CCT2: variants seen among roughly 807,000 people sequenced by gnomAD.
CCT2 encodes chaperonin containing TCP1 subunit 2, also known as T-complex protein 1 subunit beta.
A neutral mutation model predicts 61.8 loss-of-function variants in CCT2; 18 were observed. The observed-to-expected ratio is 0.29, with a 90% CI of 0.20 to 0.43. The LOEUF (loss-of-function observed/expected upper bound fraction) is 0.43. Among genes scored for constraint, CCT2 ranks in the 20% least tolerant of loss-of-function variants. The pLI, the probability that CCT2 is intolerant of heterozygous loss-of-function variation, is 1.00. For missense variants in CCT2, 556 were observed against 656.9 expected (o/e 0.85, Z 1.68); for synonymous variants, 248 against 215.9 (o/e 1.15, Z -1.30).
At position 69,587,114 on chromosome 12, in the gene CCT2, CAG is replaced by C. The variant is rs148814367; in HGVS notation, c.144+298_144+299del. The C allele has an allele frequency of 7.5e-3, 2,534 of 336,250 alleles. 54 individuals carry two copies. Among genetic ancestry groups the C allele is most frequent in the African/African-American group, 0.048 (2,260 of 47,210 alleles). The allele number at this position is 336,250 out of a possible 1,614,324, so 20.8% of individuals were successfully genotyped here. On this transcript the variant is annotated intron_variant, in intron 3 of 15. Transcript: ENST00000299300. ...TCATGTAACATACTGTTTTATAAAA[CAG>C]ATACTATTTATCAATACTTTTTTGT...
rs770281897 is a variant in CCT2 at position 69,599,975 on chromosome 12, T to G, written c.1548T>G (p.Arg516=). The change falls in exon 15 of 16, where the codon CGT becomes CGG. Residue 516 remains arginine (R), a synonymous_variant. Coordinates refer to ENST00000299300, the MANE Select transcript of CCT2 (RefSeq NM_006431.3). ...CTGAAGCAGCAGAGGTGATTCTGCG[T>G]GTGGACAACATCATCAAAGCGGCAC... ...SAAEAAEVIL[R]VDNIIKAAPR... is the part of the protein sequence containing the mutation. The G allele has an allele frequency of 1.9e-6, 3 of 1,613,288 alleles. No individual in the cohort carries two copies. In the Admixed American group the frequency reaches 5.0e-5, roughly 27 times the overall value.
At chr12:69,585,846 G>A in intron 1 of CCT2, 1 of 1,314,166 alleles carries the variant, frequency 7.6e-7, no homozygotes, top group Non-Finnish European at 9.7e-7. Flanking sequence ...TAGGGGCGGA[G>A]CCTGGAGCGA....
Position 69,593,940 on chromosome 12 carries a change from C to A in CCT2, c.982+327C>A, listed in dbSNP as rs1881910708. Among the ~76,000 whole-genome samples the A allele has an allele frequency of 2.0e-5, 3 of 151,736 alleles. No homozygotes were observed. The South Asian group carries it at 6.2e-4, about 32-fold the overall frequency. On this transcript the variant is annotated intron_variant, in intron 10 of 15. Transcript: ENST00000299300. ...ATCGCTTGAGCTCAGGAGTTTCAGA[C>A]CAACTTTGGCAACATTGCGAACCCA...
At chr12:69,586,732 T>C (rs1555196805) in intron 2 of CCT2, 21 bp from the exon 3 acceptor site, 2 of 1,548,618 alleles carry the variant, frequency 1.3e-6, no homozygotes, top group South Asian at 2.4e-5. Flanking sequence ...ATTCTGATAA[T>C]CTCCTTGGTT....
intron 1 of CCT2, chr12:69,585,743 G>C: frequency 6.9e-7 from 1 of 1,449,192 alleles, no homozygotes. Flanking sequence ...GCGTCTCCTT[G>C]TGCCTAGGTC....
intron 7 of CCT2, among the ~76,000 whole-genome samples, chr12:69,590,378 T>G (rs1054647021): frequency 8.5e-5 from 13 of 152,152 alleles, no homozygotes; most frequent in Non-Finnish European, 1.3e-4. Flanking sequence ...TAACAAATAA[T>G]TATGTATGTT....
At chr12:69,590,634 CAT>C (rs1881807677) in intron 7 of CCT2, among the ~76,000 whole-genome samples, 1 of 151,638 alleles carries the variant, frequency 6.6e-6, no homozygotes, top group Non-Finnish European at 1.5e-5. Flanking sequence ...TGTTCTGTGT[CAT>C]AGGTCTTGAT....
Position 69,585,870 on chromosome 12 carries a change from A to G in CCT2, c.3+346A>G, listed in dbSNP as rs987535935. 2.3e-6 allele frequency: 3 copies of G among 1,296,974 alleles called. No homozygotes were observed. In the East Asian group the frequency reaches 1.0e-4, roughly 44 times the overall value. 80.3% of individuals were successfully genotyped at this position (1,296,974 alleles called of 1,614,324 possible). ...AGCCTGGAGCGACGGGGTCTGAGCC[A>G]TCAGAGGGTGGAGGGGCCGCAGCCT... On this transcript the variant is annotated intron_variant, in intron 1 of 15. Transcript: ENST00000299300.
intron 10 of CCT2, among the ~76,000 whole-genome samples, 195 bp from the exon 11 acceptor site, chr12:69,596,961 A>T (rs900232018): frequency 6.6e-6 from 1 of 152,204 alleles, no homozygotes; most frequent in Non-Finnish European, 1.5e-5. Context: ...AATGGAGCCT[A>T]TCCAAGAGGA....
chr12:69,588,241 T>G lies in CCT2; in HGVS notation c.425T>G (p.Leu142Trp). The part of the protein sequence containing the change: ...EATKAAREAL[L>W]SSAVDHGSDE... ...ACGAAGGCTGCAAGAGAGGCGCTGT[T>G]GAGTTCTGCAGTTGATCATGGGTTT... The change falls in exon 6 of 16, where the codon TTG (leucine) becomes TGG (tryptophan). Residue 142 changes from leucine to tryptophan, a missense_variant. Physicochemically the swap from Leu to Trp is moderately conservative, Grantham distance 61. Around this residue, in one of 3 missense-constraint regions of CCT2, gnomAD observed 308 missense variants for 350.6 expected, o/e 0.88. Coordinates refer to ENST00000299300, the MANE Select transcript of CCT2 (RefSeq NM_006431.3). 2 of 1,613,606 alleles carry G rather than the reference T, an allele frequency of 1.2e-6. No homozygotes were observed. The highest frequency in any genetic ancestry group is 1.7e-6 in the Non-Finnish European group (2 of 1,179,468).
chr12:69,587,258 C>A, intron 3 of CCT2: 1 of 416,036 alleles, frequency 2.4e-6, no homozygotes. Flanking sequence ...TTGATAGTTT[C>A]TTTCCATTGT....
At position 69,601,429 on chromosome 12, in the gene CCT2, A is replaced by G. The variant is rs756311009; in HGVS notation, c.*104A>G. The G allele has an allele frequency of 5.6e-6, 9 of 1,604,904 alleles. No individual in the cohort carries two copies. Among genetic ancestry groups the G allele is most frequent in the Non-Finnish European group, 7.6e-6 (9 of 1,176,898 alleles). On this transcript the variant is annotated 3_prime_UTR_variant, in exon 16 of 16. Transcript: ENST00000299300. Reference sequence around the variant, plus strand: ...TGGAATCTGTTTATCGGTGCCCATTATATCCTTAAGTTTGGATATTTAGCT... The same window carrying G: ...TGGAATCTGTTTATCGGTGCCCATTGTATCCTTAAGTTTGGATATTTAGCT...
chr12:69,585,630 C>G lies in CCT2; in HGVS notation c.3+106C>G. On this transcript the variant is annotated intron_variant, in intron 1 of 15. Coordinates refer to ENST00000299300, the MANE Select transcript of CCT2 (RefSeq NM_006431.3). ...GGGTCGTAGGCTCCGTTTCTGTCTC[C>G]CCGGCCCTCCGCACATGGTGCGAGC... 1.9e-6 allele frequency: 3 copies of G among 1,545,744 alleles called. No individual in the cohort carries two copies. In the East Asian group the frequency reaches 7.4e-5, roughly 38 times the overall value.
chr12:69,595,079 G>A (rs1460471342), intron 10 of CCT2, among the ~76,000 whole-genome samples: 4 of 151,944 alleles, frequency 2.6e-5, no homozygotes, highest in Non-Finnish European at 5.9e-5. Flanking sequence ...AGGAGACCTG[G>A]GTTATGAGTT....
intron 15 of CCT2, among the ~76,000 whole-genome samples, chr12:69,600,640 C>T (rs1201506513): frequency 6.7e-6 from 1 of 150,110 alleles, no homozygotes; most frequent in Non-Finnish European, 1.5e-5. Context: ...TAACTCTTGA[C>T]AATGGTTAGC....
intron 10 of CCT2, among the ~76,000 whole-genome samples, chr12:69,595,994 C>T (rs1219351695): frequency 6.6e-6 from 1 of 152,174 alleles, no homozygotes; most frequent in African/African-American, 2.4e-5. Context: ...ATTGCTTGTG[C>T]CCAGGAGGTT....
At chr12:69,593,786 A>G (rs986882356) in intron 10 of CCT2, among the ~76,000 whole-genome samples, 173 bp downstream of exon 10, 1 of 152,182 alleles carries the variant, frequency 6.6e-6, no homozygotes, top group African/African-American at 2.4e-5. Flanking sequence ...TTACGATACC[A>G]AGTTATATAC....
At position 69,589,545 on chromosome 12, in the gene CCT2, A is replaced by G; in HGVS notation, c.507A>G (p.Ser169=). 6.2e-7 allele frequency: 1 copy of G among 1,614,156 alleles called. No individual in the cohort carries two copies. Among genetic ancestry groups the G allele is most frequent in the Non-Finnish European group, 8.5e-7 (1 of 1,180,000 alleles). ...LMNIAGTTLS[S]KLLTHHKDHF... ...ATATTGCGGGCACAACATTATCCTC[A>G]AAACTTCTTACTCATCACAAAGACC... is the stretch of plus-strand genomic sequence containing the variant. The change falls in exon 7 of 16, where the codon TCA becomes TCG. Residue 169 remains serine, a synonymous_variant. Transcript: ENST00000299300.
chr12:69,588,500 T>C, intron 6 of CCT2: 1 of 352,290 alleles, frequency 2.8e-6, no homozygotes. Context: ...TATAATACTG[T>C]ATAGAGAATT....
Sources: gnomAD v4.1 joint callset for allele counts (sites outside exome capture counted in the v4.1 genomes callset) on GRCh38, gnomAD v4.1.1 for gene constraint, gnomAD v4.1.1 regional missense constraint, MANE v1.5 for transcripts, NCBI Gene and HGNC (gene_info 2026-07-23, HGNC 2026-07-21) for gene names.